The following COL4A4 variants were observed in gnomAD, a reference collection of about 807,000 sequenced individuals.
COL4A4 encodes the protein collagen type IV alpha 4 chain.
COL4A4 carries 105 observed loss-of-function variants against 192.9 expected under a neutral mutation model. The ratio of observed to expected loss-of-function variants is 0.54; its 90% CI spans 0.46 to 0.64. The LOEUF (loss-of-function observed/expected upper bound fraction) is 0.64, where lower values mean the gene tolerates loss of function less well. Ranked by LOEUF, COL4A4 falls within the 30% of genes least tolerant of loss-of-function variation. The probability of loss-of-function intolerance (pLI) is 0.00; values close to 1 mark genes in which losing one functional copy is unlikely to be tolerated. For missense variants in COL4A4, 1,967 were observed against 2,169.3 expected (o/e 0.91, Z 1.85); for synonymous variants, 762 against 769.9 (o/e 0.99, Z 0.17).
At chr2:227,059,765 T>C (rs759436988) in intron 27 of COL4A4, 142 bp from the exon 28 acceptor site, 13 of 724,348 alleles carry the variant, frequency 1.8e-5, no homozygotes, top group African/African-American at 3.6e-5. Context: ...ACAGTAATGT[T>C]GTTTTGCCAC....
chr2:227,096,337 G>T (rs1467178166), intron 19 of COL4A4, among the ~76,000 whole-genome samples: 1 of 152,112 alleles, frequency 6.6e-6, no homozygotes, highest in Non-Finnish European at 1.5e-5. Flanking sequence ...AGAGTGAGAG[G>T]TACTGTACTG....
At chr2:227,088,945 G>A in intron 21 of COL4A4, 129 bp from the exon 22 acceptor site, 1 of 1,096,294 alleles carries the variant, frequency 9.1e-7, no homozygotes, top group Non-Finnish European at 1.4e-6. Flanking sequence ...GCAGACAATT[G>A]AGAGCACGTG....
At chr2:227,125,156 G>C (rs532066946) in intron 4 of COL4A4, among the ~76,000 whole-genome samples, 2 of 152,214 alleles carry the variant, frequency 1.3e-5, no homozygotes, top group Non-Finnish European at 2.9e-5. Context: ...ACTCCATTTA[G>C]TATAGAAACG....
In COL4A4 at chr2:227,032,378, G is replaced by T. The variant is rs998285656; in HGVS notation, c.3578-102C>A. On this transcript the variant is annotated intron_variant, in intron 38 of 47. Transcript: ENST00000396625. ...TCCCAATAGCGGCAGAGGAGTGGCT[G>T]GTTCTGCAGACACCAACAACTGGTT... 8 of 1,358,502 alleles carry T rather than the reference G, an allele frequency of 5.9e-6. No individual in the cohort carries two copies. The African/African-American group carries it at 1.0e-4, about 17-fold the overall frequency. The allele number at this position is 1,358,502 out of a possible 1,614,324, so 84.2% of individuals were successfully genotyped here. A position where few individuals can be genotyped will look rare whatever the true frequency, so the allele number is the denominator to read the frequency against.
At chr2:226,978,905 A>G in the COL4A4 span, among the ~76,000 whole-genome samples, 1 of 152,186 alleles carries the variant, frequency 6.6e-6, no homozygotes, top group African/African-American at 2.4e-5. Flanking sequence ...AATGGCTGGT[A>G]GGAAGACAGG....
Position 227,060,164 on chromosome 2 carries a change from T to C in COL4A4, c.2136A>G (p.Pro712=). Residue 712 remains proline (P), a synonymous_variant, in exon 27 of 48, where the codon CCA becomes CCG. Transcript: ENST00000396625. Reference sequence around the variant, plus strand: ...GTGGACCTGGTATTTCCGCTGTTCCTGGTGTGCCAGGTCTGCCTTTATGCC... The same window carrying C: ...GTGGACCTGGTATTTCCGCTGTTCCCGGTGTGCCAGGTCTGCCTTTATGCC... ...SDGHKGRPGT[P]GTAEIPGPPG... is the part of the protein sequence containing the mutation. The C allele has an allele frequency of 6.3e-7, 1 of 1,598,326 alleles. No individual in the cohort carries two copies. Among genetic ancestry groups the C allele is most frequent in the South Asian group, 1.1e-5 (1 of 89,488 alleles).
intron 44 of COL4A4, among the ~76,000 whole-genome samples, chr2:227,017,222 G>A (rs1965076314): frequency 1.3e-5 from 2 of 152,188 alleles, no homozygotes; most frequent in African/African-American, 4.8e-5. Flanking sequence ...GGGAAAAAGA[G>A]TCCTCACACC....
chr2:227,151,312 T>C (rs2063928111), intron 1 of COL4A4, among the ~76,000 whole-genome samples: 1 of 152,170 alleles, frequency 6.6e-6, no homozygotes, highest in African/African-American at 2.4e-5. Context: ...ATATAATTCA[T>C]CAAAAACATA....
rs564297627 is a variant in COL4A4 at position 227,095,365 on chromosome 2, G to A, written c.1205-1076C>T. Among the ~76,000 whole-genome samples, 253 of 152,148 alleles carry A rather than the reference G, an allele frequency of 1.7e-3. 1 individual carries two copies. Among genetic ancestry groups the A allele is most frequent in the African/African-American group, 5.9e-3 (244 of 41,496 alleles). On this transcript the variant is annotated intron_variant, in intron 19 of 47. Transcript: ENST00000396625. ...ACTTGGCCTTTCCCTCTGTAGCAGG[G>A]GACCTTAAGCAGTTTATTTAACTTA...
chr2:227,074,354 T>C (rs1010603238), intron 25 of COL4A4, among the ~76,000 whole-genome samples: 1 of 151,980 alleles, frequency 6.6e-6, no homozygotes, highest in African/African-American at 2.4e-5. Context: ...AATGAGATAT[T>C]GCCTTACTCC....
chr2:227,138,725 C>A (rs535660864), intron 4 of COL4A4, among the ~76,000 whole-genome samples: 2 of 152,148 alleles, frequency 1.3e-5, no homozygotes, highest in Admixed American at 1.3e-4. Context: ...GTTTAAGCAT[C>A]AGTGGATTTG....
intron 1 of COL4A4, among the ~76,000 whole-genome samples, chr2:227,162,615 TGAA>T (rs1376184677): frequency 6.6e-6 from 1 of 152,202 alleles, no homozygotes; most frequent in Non-Finnish European, 1.5e-5. Flanking sequence ...CAAGTTGTAA[TGAA>T]GAGTTTAATA....
rs775926807 is a variant in COL4A4, at chr2:227,012,226, C to T, written c.4288G>A (p.Gly1430Arg). Reference sequence around the variant, plus strand: ...TCTTCTCCTGTGTCACCTTTACGTCCGGGAGGCCCAGGAGACCCAGGGACG... The same window carrying T: ...TCTTCTCCTGTGTCACCTTTACGTCTGGGAGGCCCAGGAGACCCAGGGACG... ...DGVPGSPGPPGRKGDTGEDGY... is the reference protein window; with the variant it reads ...DGVPGSPGPPRRKGDTGEDGY... The change falls in exon 45 of 48, where the codon GGA becomes AGA. Residue 1430 changes from glycine to arginine, a missense_variant. Gly to Arg is a moderately radical substitution (Grantham distance 125, BLOSUM62 -2). Coordinates refer to ENST00000396625, the MANE Select transcript of COL4A4 (RefSeq NM_000092.5). The T allele has an allele frequency of 4.3e-6, 7 of 1,613,974 alleles. No individual in the cohort carries two copies. Among genetic ancestry groups the T allele is most frequent in the East Asian group, 2.2e-5 (1 of 44,886 alleles).
At chr2:227,011,080 C>G (rs1219191816) in intron 45 of COL4A4, among the ~76,000 whole-genome samples, 1 of 152,176 alleles carries the variant, frequency 6.6e-6, no homozygotes, top group Non-Finnish European at 1.5e-5. Flanking sequence ...AGGCCTTGTT[C>G]TAGCATTCTT....
intron 4 of COL4A4, among the ~76,000 whole-genome samples, chr2:227,122,972 C>T (rs1478621077): frequency 2.0e-5 from 3 of 152,120 alleles, no homozygotes; most frequent in Non-Finnish European, 4.4e-5. Context: ...TCAAGTGATC[C>T]TCCCACCTCA....
rs138589734 is a variant in COL4A4 at position 227,078,344 on chromosome 2, G to T, written c.1804-267C>A. On this transcript the variant is annotated intron_variant, in intron 24 of 47. Coordinates refer to ENST00000396625, the MANE Select transcript of COL4A4 (RefSeq NM_000092.5). ...TGCAGCCTCCACCTCCCAGGTTCAA[G>T]CGATTCTCCTGCCTCAGCCTCCTGA... Among the ~76,000 whole-genome samples the T allele has an allele frequency of 6.6e-3, 1,003 of 152,198 alleles. 29 individuals are homozygous for T. In the East Asian group the frequency reaches 0.073, roughly 11 times the overall value.
rs57119611 is a variant in COL4A4 at position 227,020,880 on chromosome 2, C to CTTTTTTTTTTTTTTT, written c.4216+1153_4216+1167dup. Among the ~76,000 whole-genome samples, 101 of 127,576 alleles carry CTTTTTTTTTTTTTTT rather than the reference C, an allele frequency of 7.9e-4. 11 individuals carry two copies. The highest frequency in any genetic ancestry group is 2.1e-3 in the African/African-American group (65 of 31,610). 83.7% of individuals were successfully genotyped at this position (127,576 alleles called of 152,430 possible). On this transcript the variant is annotated intron_variant, in intron 44 of 47. Transcript: ENST00000396625. Reference sequence around the variant, plus strand: ...CAAACCATTCGGAGAACACTTTTTTCTTTTTTTTTTTTTTTTGAGATGGAG... The same window carrying CTTTTTTTTTTTTTTT: ...CAAACCATTCGGAGAACACTTTTTTCTTTTTTTTTTTTTTTTTTTTTTTTTTTTTTTGAGATGGAG...
At chr2:227,164,402 T>A, upstream of COL4A4, 1 of 476,446 alleles carries the variant, frequency 2.1e-6, no homozygotes, top group African/African-American at 2.1e-5. This position sits in a 1 kb window ranked among gnomAD's most constrained non-coding sequence, Gnocchi z 4.8. Flanking sequence ...TTACCCTGGA[T>A]CCGCGCCCAC....
At chr2:227,045,285 G>T (rs983107922) in intron 35 of COL4A4, among the ~76,000 whole-genome samples, 19 of 151,990 alleles carry the variant, frequency 1.3e-4, no homozygotes, top group African/African-American at 4.4e-4. Flanking sequence ...AGGCAACTAC[G>T]CTCAGAGAAG....
Sources: allele counts gnomAD v4.1 joint callset (sites outside exome capture counted in the v4.1 genomes callset), GRCh38; gene constraint gnomAD v4.1.1; non-coding constraint Gnocchi (gnomAD v3.1); transcripts MANE v1.5; gene names NCBI Gene and HGNC (gene_info 2026-07-23, HGNC 2026-07-21).